NOS1AP: variants seen among roughly 807,000 people sequenced by gnomAD.
The protein encoded by NOS1AP is carboxyl-terminal PDZ ligand of neuronal nitric oxide synthase protein.
Under a neutral mutation model 56.2 loss-of-function variants are expected in NOS1AP, and 21 were observed. The ratio of observed to expected loss-of-function variants is 0.37; its 90% CI spans 0.26 to 0.54. The LOEUF (loss-of-function observed/expected upper bound fraction) is 0.54, where lower values mean the gene tolerates loss of function less well. Among genes scored for constraint, NOS1AP ranks in the 20% least tolerant of loss-of-function variants. The pLI is 0.84. For missense variants in NOS1AP, 522 were observed against 657.8 expected (o/e 0.79, Z 2.26); for synonymous variants, 270 against 274.6 (o/e 0.98, Z 0.17).
At chr1:162,365,263 A>C in intron 8 of NOS1AP, 141 bp from the exon 9 acceptor site, 1 of 1,513,168 alleles carries the variant, frequency 6.6e-7, no homozygotes, top group Non-Finnish European at 8.9e-7. Context: ...CCAGATGCCC[A>C]TGCTGCCCGT....
At chr1:162,300,520 T>C (rs1655614787) in intron 3 of NOS1AP, 113 bp from the exon 4 acceptor site, 2 of 896,544 alleles carry the variant, frequency 2.2e-6, no homozygotes, top group Non-Finnish European at 3.8e-6. Flanking sequence ...CCAGGCCTCT[T>C]AGAGGGAAAA....
chr1:162,239,159 T>G (rs1653400803), intron 2 of NOS1AP, among the ~76,000 whole-genome samples: 1 of 152,222 alleles, frequency 6.6e-6, no homozygotes, highest in Non-Finnish European at 1.5e-5. Context: ...TATGATTGTG[T>G]TTATAAGAAG....
In NOS1AP at chr1:162,324,295, G is replaced by A. The variant is rs1571219405; in HGVS notation, c.345-8722G>A. Among the ~76,000 whole-genome samples the A allele has an allele frequency of 5.3e-5, 8 of 152,162 alleles. 2 individuals are homozygous for A. The highest frequency in any genetic ancestry group is 5.2e-4 in the Admixed American group (8 of 15,282). On this transcript the variant is annotated intron_variant, in intron 4 of 9. Coordinates refer to ENST00000361897, the MANE Select transcript of NOS1AP (RefSeq NM_014697.3). ...TTGGCAGCCTGTGTAAATAGATTTGGTTTTTGACAGCCAATAGCAGGTGAT... is the reference window on the plus strand; with the variant it reads ...TTGGCAGCCTGTGTAAATAGATTTGATTTTTGACAGCCAATAGCAGGTGAT...
intron 2 of NOS1AP, among the ~76,000 whole-genome samples, chr1:162,203,038 C>T (rs185768101): frequency 1.6e-4 from 24 of 152,020 alleles, no homozygotes; most frequent in African/African-American, 5.8e-4. Flanking sequence ...TGTATTTGTG[C>T]CTTGAGTTAG....
chr1:162,238,530 G>A (rs1199058634), intron 2 of NOS1AP, among the ~76,000 whole-genome samples: 1 of 151,954 alleles, frequency 6.6e-6, no homozygotes, highest in African/African-American at 2.4e-5. Context: ...CCTCCATTAG[G>A]GCTGAATGCA....
intron 5 of NOS1AP, among the ~76,000 whole-genome samples, chr1:162,335,959 G>A (rs561883960): frequency 6.6e-6 from 1 of 152,150 alleles, no homozygotes; most frequent in Admixed American, 6.5e-5. Context: ...TCTTCCTTGG[G>A]CCACTCACAC....
chr1:162,104,483 A>G (rs137976886), intron 1 of NOS1AP, among the ~76,000 whole-genome samples: 17 of 152,026 alleles, frequency 1.1e-4, no homozygotes, highest in African/African-American at 4.1e-4. Flanking sequence ...GTTCTCCTGC[A>G]TGATATCCTG....
At chr1:162,182,948 A>G (rs1377251434) in intron 2 of NOS1AP, among the ~76,000 whole-genome samples, 4 of 152,332 alleles carry the variant, frequency 2.6e-5, no homozygotes, top group Admixed American at 1.3e-4. Context: ...ACCTCCTTCC[A>G]TGAATCATGA....
chr1:162,072,629 A>G (rs865819059), intron 1 of NOS1AP, among the ~76,000 whole-genome samples: 2 of 152,234 alleles, frequency 1.3e-5, no homozygotes, highest in Middle Eastern at 3.2e-3. Flanking sequence ...TTCTTTGGGC[A>G]AAGGCTGACT....
intron 2 of NOS1AP, among the ~76,000 whole-genome samples, chr1:162,179,858 A>G (rs764875487): frequency 6.6e-6 from 1 of 152,232 alleles, no homozygotes; most frequent in Non-Finnish European, 1.5e-5. Context: ...GATTTTTAGC[A>G]GAGAATAAAT....
chr1:162,193,840 T>C (rs1264874163), intron 2 of NOS1AP, among the ~76,000 whole-genome samples: 1 of 152,182 alleles, frequency 6.6e-6, no homozygotes, highest in Non-Finnish European at 1.5e-5. Flanking sequence ...GTTCTGCTGC[T>C]CTCTTTTCCA....
At chr1:162,155,579 C>T (rs895740169) in intron 2 of NOS1AP, among the ~76,000 whole-genome samples, 1 of 151,892 alleles carries the variant, frequency 6.6e-6, no homozygotes, top group African/African-American at 2.4e-5. Flanking sequence ...GCATTTTCTT[C>T]TGCCATTTTG....
chr1:162,101,837 T>G (rs181239471), intron 1 of NOS1AP, among the ~76,000 whole-genome samples: 124 of 152,316 alleles, frequency 8.1e-4, no homozygotes, highest in African/African-American at 2.9e-3. Flanking sequence ...AAGAAGCTTT[T>G]GGGCTGAGAT....
At chr1:162,315,864 T>C (rs1419321456) in intron 4 of NOS1AP, among the ~76,000 whole-genome samples, 2 of 152,214 alleles carry the variant, frequency 1.3e-5, no homozygotes, top group East Asian at 3.9e-4. Context: ...TTAAGGTTTG[T>C]CCTTTGGACC....
At chr1:162,319,393 A>T (rs1656339030) in intron 4 of NOS1AP, among the ~76,000 whole-genome samples, 1 of 151,560 alleles carries the variant, frequency 6.6e-6, no homozygotes, top group African/African-American at 2.4e-5. Context: ...CAGCCATGTG[A>T]TCCCCCTGCT....
At chr1:162,364,477 C>G in intron 8 of NOS1AP, 1 of 985,422 alleles carries the variant, frequency 1.0e-6, no homozygotes, top group Non-Finnish European at 1.2e-6. Context: ...TCTGGTTGCC[C>G]CTGTCTCCTC....
intron 2 of NOS1AP, among the ~76,000 whole-genome samples, chr1:162,259,468 A>G (rs995915980): frequency 6.6e-6 from 1 of 152,224 alleles, no homozygotes; most frequent in Non-Finnish European, 1.5e-5. Context: ...CAAATTTTAT[A>G]CAATAGTTTG....
At chr1:162,313,381 A>G (rs1164115344) in intron 4 of NOS1AP, among the ~76,000 whole-genome samples, 1 of 152,202 alleles carries the variant, frequency 6.6e-6, no homozygotes, top group East Asian at 1.9e-4. Flanking sequence ...GTACTGCTCC[A>G]TATGCAAATA....
At chr1:162,174,137 T>C (rs1324352145) in intron 2 of NOS1AP, among the ~76,000 whole-genome samples, 1 of 152,148 alleles carries the variant, frequency 6.6e-6, no homozygotes, top group Admixed American at 6.5e-5. Context: ...CTATTCACAA[T>C]AGCAAAAACT....
Sources: allele counts gnomAD v4.1 joint callset (sites outside exome capture counted in the v4.1 genomes callset), GRCh38; gene constraint gnomAD v4.1.1; transcripts MANE v1.5; gene names NCBI Gene and HGNC (gene_info 2026-07-23, HGNC 2026-07-21).